The following SPTBN2 variants were observed in gnomAD, a reference collection of about 807,000 sequenced individuals.
SPTBN2 encodes the protein spectrin beta, non-erythrocytic 2.
In SPTBN2, 107 loss-of-function variants were observed where a neutral mutation model predicts 284.2. That is an observed-to-expected ratio of 0.38 (90% CI 0.32 to 0.44). The LOEUF (loss-of-function observed/expected upper bound fraction) is 0.44. Among genes scored for constraint, SPTBN2 ranks in the 20% least tolerant of loss-of-function variants. The pLI is 1.00. For synonymous variants in SPTBN2, 1,289 were observed against 1,354.8 expected, an observed-to-expected ratio of 0.95 and a Z score of 1.07; for missense variants, 2,569 against 3,287.1, an observed-to-expected ratio of 0.78 and a Z score of 5.34.
intron 3 of SPTBN2, 144 bp from the exon 4 acceptor site, chr11:66,716,125 C>T (rs889627057): frequency 5.3e-5 from 58 of 1,096,732 alleles, no homozygotes; most frequent in African/African-American, 3.0e-4. Flanking sequence ...GGAAGATGAC[C>T]GGGAGGAAAG....
chr11:66,690,622 G>C (rs1940474666), intron 27 of SPTBN2, among the ~76,000 whole-genome samples: 1 of 152,162 alleles, frequency 6.6e-6, no homozygotes, highest in Non-Finnish European at 1.5e-5. Context: ...GGGGCTGATG[G>C]GTTCTAGTGG....
intron 31 of SPTBN2, 55 bp from the exon 32 acceptor site, chr11:66,688,366 G>T: frequency 6.5e-7 from 1 of 1,548,302 alleles, no homozygotes; most frequent in Non-Finnish European, 8.7e-7. Context: ...GAGGGCCAGG[G>T]AAACAGGGAG....
intron 1 of SPTBN2, among the ~76,000 whole-genome samples, chr11:66,723,938 T>G (rs1942524723): frequency 6.6e-6 from 1 of 152,096 alleles, no homozygotes; most frequent in African/African-American, 2.4e-5. Flanking sequence ...CAGCCACACT[T>G]AAGCTCAGCT....
chr11:66,694,252 T>C lies in SPTBN2; in HGVS notation c.4390A>G (p.Arg1464Gly). 1 of 1,614,160 alleles carries C rather than the reference T, an allele frequency of 6.2e-7. No homozygotes were observed. The highest frequency in any genetic ancestry group is 8.5e-7 in the Non-Finnish European group (1 of 1,180,020). ...QGAGEVERTS[R>G]AVEEKFRALC... The stretch of plus-strand genomic sequence containing the variant: ...GCCCTGAACTTCTCCTCCACGGCCC[T>C]CGAGGTTCTCTCCACCTCCCCTGCA... Residue 1464 changes from arginine (R) to glycine (G), a missense_variant, in exon 22 of 38, where the codon AGG (arginine) becomes GGG (glycine). By Grantham distance (125) the Arg-to-Gly change is moderately radical. This residue lies in a region of SPTBN2 where 1,130 missense variants were observed against 1,317.3 expected (regional missense o/e 0.86). Transcript: ENST00000533211.
intron 15 of SPTBN2, among the ~76,000 whole-genome samples, chr11:66,704,214 C>T (rs984514468): frequency 7.2e-5 from 11 of 152,058 alleles, no homozygotes; most frequent in Admixed American, 3.9e-4. Context: ...CCTCGTGATC[C>T]GCCTGCCTCG....
Position 66,704,971 on chromosome 11 carries a change from G to C in SPTBN2, c.2305C>G (p.Leu769Val). Residue 769 changes from leucine (L) to valine (V), a missense_variant, in exon 15 of 38, where the codon CTG becomes GTG. Transcript: ENST00000533211. ...TGCCCCAGCTCGGGGCTGGACACCAGGCGCAGTGCGTCAACCAACCAGGCC... is the reference window on the plus strand; with the variant it reads ...TGCCCCAGCTCGGGGCTGGACACCACGCGCAGTGCGTCAACCAACCAGGCC... ...MEAWLVDALR[L>V]VSSPELGHDE... is the part of the protein sequence containing the mutation. 1.9e-6 allele frequency: 3 copies of C among 1,608,394 alleles called. No homozygotes were observed. The highest frequency in any genetic ancestry group is 2.5e-6 in the Non-Finnish European group (3 of 1,179,878).
chr11:66,693,689 G>C lies in SPTBN2; in HGVS notation c.4593+83C>G. On this transcript the variant is annotated intron_variant, in intron 23 of 37. Transcript: ENST00000533211. This position sits in a 1 kb window ranked among gnomAD's most constrained non-coding sequence, Gnocchi z 5.7. ...GTCCAGGGTTACACTCAGCATCGAGGGGGGCCTGGTCTTAAGAAAAAACAC... is the reference window on the plus strand; with the variant it reads ...GTCCAGGGTTACACTCAGCATCGAGCGGGGCCTGGTCTTAAGAAAAAACAC... 1 of 1,409,290 alleles carries C rather than the reference G, an allele frequency of 7.1e-7. No homozygotes were observed. The highest frequency in any genetic ancestry group is 1.7e-4 in the Middle Eastern group (1 of 5,722). The allele number at this position is 1,409,290 out of a possible 1,614,324, so 87.3% of individuals were successfully genotyped here.
chr11:66,720,216 G>A (rs192909229), intron 3 of SPTBN2, among the ~76,000 whole-genome samples: 59 of 152,270 alleles, frequency 3.9e-4, no homozygotes, highest in African/African-American at 1.4e-3. Context: ...ACCCCCACTC[G>A]GAGCACCACC....
rs1272159341 is a variant in SPTBN2, at chr11:66,718,776, G to A, written c.157+2308C>T. ...TTCAAGGAGTGGCAAAAAGAGTTACGGGGTGTCCCGAACTCCTGAGACAGA... is the reference window on the plus strand; with the variant it reads ...TTCAAGGAGTGGCAAAAAGAGTTACAGGGTGTCCCGAACTCCTGAGACAGA... On this transcript the variant is annotated intron_variant, in intron 3 of 37. Transcript: ENST00000533211. This position sits in a 1 kb window ranked among gnomAD's most constrained non-coding sequence, Gnocchi z 4.8. Among the ~76,000 whole-genome samples the A allele has an allele frequency of 6.6e-6, 1 of 152,240 alleles. No individual in the cohort carries two copies. Among genetic ancestry groups the A allele is most frequent in the Non-Finnish European group, 1.5e-5 (1 of 68,046 alleles).
intron 8 of SPTBN2, 22 bp from the exon 9 acceptor site, chr11:66,711,051 G>A (rs377762138): frequency 3.7e-5 from 59 of 1,602,278 alleles, no homozygotes; most frequent in Non-Finnish European, 4.8e-5. Context: ...GACCATTTGG[G>A]TCAGGCCTCC....
chr11:66,701,350 C>T, intron 16 of SPTBN2, 68 bp from the exon 17 acceptor site: 1 of 1,581,242 alleles, frequency 6.3e-7, no homozygotes, highest in South Asian at 1.1e-5. Context: ...TTCCCTGCTT[C>T]TCTCTCTCTT....
In SPTBN2 at chr11:66,692,712, C is replaced by G. The variant is rs1940641778; in HGVS notation, c.5014G>C (p.Val1672Leu). Residue 1672 changes from valine (V) to leucine (L), a missense_variant, in exon 26 of 38, where the codon GTG becomes CTG. Physicochemically the swap from Val to Leu is conservative, Grantham distance 32. This residue lies in a region of SPTBN2 where 1,130 missense variants were observed against 1,317.3 expected (regional missense o/e 0.86). Coordinates refer to ENST00000533211, the MANE Select transcript of SPTBN2 (RefSeq NM_006946.4). ...STRISIRQAQ[V>L]DKLYAGLKEL... ...TTCAGGCCGGCATACAGCTTGTCCA[C>G]CTGGGCTTGGCGGATGGATATCCGA... 1.2e-6 allele frequency: 2 copies of G among 1,603,322 alleles called. No homozygotes were observed. Among genetic ancestry groups the G allele is most frequent in the Non-Finnish European group, 1.7e-6 (2 of 1,179,938 alleles).
rs1001312508 is a variant in SPTBN2, at chr11:66,710,310, A to G, written c.1073+272T>C. On this transcript the variant is annotated intron_variant, in intron 10 of 37. Transcript: ENST00000533211. The surrounding 1 kb of genome is among the most constrained non-coding windows in gnomAD (Gnocchi z 4.9). ...GATGGGGTTTCACCATGTTGGCCAG[A>G]CTGGTCTCGGTGATGCGCCCGCCTT... Among the ~76,000 whole-genome samples the G allele has an allele frequency of 6.7e-6, 1 of 150,210 alleles. No individual in the cohort carries two copies. Among genetic ancestry groups the G allele is most frequent in the South Asian group, 2.1e-4 (1 of 4,744 alleles).
intron 15 of SPTBN2, among the ~76,000 whole-genome samples, chr11:66,702,959 A>T (rs1018528708): frequency 2.0e-5 from 3 of 151,142 alleles, no homozygotes; most frequent in African/African-American, 7.3e-5. Context: ...AAAAAAAAAA[A>T]ACCAAAAAAA....
chr11:66,718,661 A>G lies in SPTBN2; in HGVS notation c.157+2423T>C, dbSNP rs1942251966. On this transcript the variant is annotated intron_variant, in intron 3 of 37. Coordinates refer to ENST00000533211, the MANE Select transcript of SPTBN2 (RefSeq NM_006946.4). The surrounding 1 kb of genome is among the most constrained non-coding windows in gnomAD (Gnocchi z 4.8). The stretch of plus-strand genomic sequence containing the variant: ...TTACAGAGCCCAGGGCCCAGAGTCC[A>G]TGCTCCCCGCTGGCAGGGGGCCAGT... 1.3e-5 allele frequency among the ~76,000 whole-genome samples: 2 copies of G among 152,210 alleles called. No homozygotes were observed. The highest frequency in any genetic ancestry group is 4.1e-4 in the South Asian group (2 of 4,838).
chr11:66,704,829 G>T lies in SPTBN2; in HGVS notation c.2447C>A (p.Thr816Lys), dbSNP rs1565135549. Residue 816 changes from threonine (T) to lysine (K), a missense_variant, in exon 15 of 38, where the codon ACA becomes AAA. Thr to Lys is a moderately conservative substitution (Grantham distance 78, BLOSUM62 -1). Transcript: ENST00000533211. ...CTGCACCTCGGGCGTGCGGCTCAGT[G>T]TGGGGGGCAGGGCTGCTGCCTGTTC... ...LREQAAALPP[T>K]LSRTPEVQSR... 4 of 1,607,514 alleles carry T rather than the reference G, an allele frequency of 2.5e-6. 1 individual carries two copies. The South Asian group carries it at 4.4e-5, about 18-fold the overall frequency.
Position 66,693,352 on chromosome 11 carries a change from A to C in SPTBN2, c.4688T>G (p.Leu1563Arg). 6.2e-7 allele frequency: 1 copy of C among 1,607,552 alleles called. No homozygotes were observed. Among genetic ancestry groups the C allele is most frequent in the Non-Finnish European group, 8.5e-7 (1 of 1,179,998 alleles). Residue 1563 changes from leucine (L) to arginine (R), a missense_variant, in exon 24 of 38, where the codon CTG (leucine) becomes CGG (arginine). This residue lies in a region of SPTBN2 where 1,130 missense variants were observed against 1,317.3 expected (regional missense o/e 0.86). Transcript: ENST00000533211. This position sits in a 1 kb window ranked among gnomAD's most constrained non-coding sequence, Gnocchi z 5.7. ...TTTCCACATTTCCTGCAGCTCAGCC[A>C]GCTCTGGACCTGCTGCTGCTGCACC... ...ALGAAAAGPE[L>R]AELQEMWKRL...
intron 29 of SPTBN2, chr11:66,689,426 A>G: frequency 1.9e-6 from 1 of 539,344 alleles, no homozygotes; most frequent in Non-Finnish European, 3.3e-6. Flanking sequence ...GGTGCCCGCC[A>G]CCACGCCCGG....
rs187035985 is a variant in SPTBN2 at position 66,693,127 on chromosome 11, C to A, written c.4855-27G>T. ...TGGGGGAAGGGACAGTGGCATCCAG[C>A]ATCAGGTCAGGGGAGGGCAGAACTG... On this transcript the variant is annotated intron_variant, in intron 24 of 37. Transcript: ENST00000533211. The surrounding 1 kb of genome is among the most constrained non-coding windows in gnomAD (Gnocchi z 5.7). 6.2e-7 allele frequency: 1 copy of A among 1,614,238 alleles called. No homozygotes were observed. Among genetic ancestry groups the A allele is most frequent in the African/African-American group, 1.3e-5 (1 of 75,072 alleles).
Sources: gnomAD v4.1 joint callset for allele counts (sites outside exome capture counted in the v4.1 genomes callset) on GRCh38, gnomAD v4.1.1 for gene constraint, gnomAD v4.1.1 regional missense constraint, Gnocchi (gnomAD v3.1) non-coding constraint, MANE v1.5 for transcripts, NCBI Gene and HGNC (gene_info 2026-07-23, HGNC 2026-07-21) for gene names.